The following PAM variants were observed in gnomAD, a reference collection of about 807,000 sequenced individuals.
The protein encoded by PAM is peptidyl-glycine alpha-amidating monooxygenase.
PAM carries 72 observed loss-of-function variants against 122.1 expected under a neutral mutation model. The ratio of observed to expected loss-of-function variants is 0.59; its 90% CI spans 0.49 to 0.72. PAM has a LOEUF of 0.72. PAM is among the 30% of genes least tolerant of loss of function. The pLI is 0.00. For missense variants in PAM, 1,106 were observed against 1,183.7 expected, an observed-to-expected ratio of 0.93 and a Z score of 0.96; for synonymous variants, 389 against 404.4, an observed-to-expected ratio of 0.96 and a Z score of 0.46.
At chr5:102,850,818 C>A (rs946896516) in intron 1 of PAM, among the ~76,000 whole-genome samples, 12 of 152,182 alleles carry the variant, frequency 7.9e-5, no homozygotes, top group African/African-American at 2.9e-4. Flanking sequence ...CTGCAAAAAA[C>A]CAGATATCTG....
chr5:102,817,727 C>A (rs1172992380), intron 1 of PAM, among the ~76,000 whole-genome samples: 2 of 84,122 alleles, frequency 2.4e-5, no homozygotes, highest in African/African-American at 8.1e-5. Context: ...TCTTCCAAAA[C>A]ATGTTATCAG....
chr5:102,992,376 C>T (rs1774364285), intron 16 of PAM, among the ~76,000 whole-genome samples: 1 of 152,018 alleles, frequency 6.6e-6, no homozygotes, highest in Non-Finnish European at 1.5e-5. Context: ...CTTCTCCCTT[C>T]CTGGTATTGC....
chr5:102,780,258 G>A (rs529600450), intron 1 of PAM, among the ~76,000 whole-genome samples: 22 of 151,982 alleles, frequency 1.4e-4, no homozygotes, highest in Non-Finnish European at 1.8e-4. Context: ...GGGAGTGTTG[G>A]AAGATATGCC....
chr5:102,814,673 G>A (rs890854533), intron 1 of PAM, among the ~76,000 whole-genome samples: 1 of 150,380 alleles, frequency 6.6e-6, no homozygotes, highest in African/African-American at 2.5e-5. Context: ...TATTTTCATG[G>A]TAATTTTTGC....
At chr5:103,021,435 GA>G (rs1411817714) in intron 23 of PAM, among the ~76,000 whole-genome samples, 1 of 152,158 alleles carries the variant, frequency 6.6e-6, no homozygotes, top group South Asian at 2.1e-4. Context: ...TTGGCCTGGT[GA>G]AAACAGCTTA....
chr5:102,841,431 A>ACACACACACACG lies in PAM; in HGVS notation c.-373-24381_-373-24380insGCACACACACAC, dbSNP rs1554082084. ...TACACACACACACACACACACACACACACACACACACACAAAGTAGTTATC... is the reference window on the plus strand; with the variant it reads ...TACACACACACACACACACACACACACACACACACACGCACACACACACACAAAGTAGTTATC... On this transcript the variant is annotated intron_variant, in intron 1 of 25. Transcript: ENST00000438793. 2.5e-3 allele frequency among the ~76,000 whole-genome samples: 379 copies of ACACACACACACG among 151,988 alleles called. 4 individuals carry two copies. Among genetic ancestry groups the ACACACACACACG allele is most frequent in the African/African-American group, 8.5e-3 (353 of 41,460 alleles).
At chr5:102,770,852 G>A (rs1486385976) in intron 1 of PAM, among the ~76,000 whole-genome samples, 2 of 151,742 alleles carry the variant, frequency 1.3e-5, no homozygotes, top group African/African-American at 4.8e-5. Flanking sequence ...GGTAATATTG[G>A]CATCACAGAA....
chr5:102,910,817 A>C (rs1801180045), intron 4 of PAM, among the ~76,000 whole-genome samples: 1 of 151,816 alleles, frequency 6.6e-6, no homozygotes, highest in Non-Finnish European at 1.5e-5. Flanking sequence ...GAAAAAGAAA[A>C]GAGACATTTC....
At chr5:102,985,238 A>C (rs1421325499) in intron 15 of PAM, among the ~76,000 whole-genome samples, 4 of 152,028 alleles carry the variant, frequency 2.6e-5, no homozygotes, top group Non-Finnish European at 2.9e-5. Flanking sequence ...AACTAAATGA[A>C]ATAGAGACTA....
chr5:102,904,367 T>C (rs904440936), intron 4 of PAM, among the ~76,000 whole-genome samples: 8 of 151,632 alleles, frequency 5.3e-5, no homozygotes, highest in Non-Finnish European at 7.4e-5. Context: ...TGTGCCTCTT[T>C]AAATTTTTGT....
At chr5:102,906,795 G>A (rs1482074933) in intron 4 of PAM, among the ~76,000 whole-genome samples, 1 of 151,686 alleles carries the variant, frequency 6.6e-6, no homozygotes, top group Non-Finnish European at 1.5e-5. Flanking sequence ...GAAATGTAGT[G>A]AGCTAGAGGA....
At chr5:102,800,340 A>G (rs1451963799) in intron 1 of PAM, among the ~76,000 whole-genome samples, 2 of 152,176 alleles carry the variant, frequency 1.3e-5, no homozygotes, top group South Asian at 2.1e-4. Flanking sequence ...ACTCTGTGGT[A>G]TGGTTCTTCA....
chr5:102,807,483 CTG>C (rs570424540), intron 1 of PAM, among the ~76,000 whole-genome samples: 270 of 152,304 alleles, frequency 1.8e-3, no homozygotes, highest in African/African-American at 6.4e-3. Flanking sequence ...AACCAGAAAA[CTG>C]TGGCAGTAGT....
At position 102,842,613 on chromosome 5, in the gene PAM, T is replaced by C. The variant is rs1011066625; in HGVS notation, c.-373-23210T>C. ...TATGTCTTTAACACCAGCGTGAGAA[T>C]AGACTAACACAAATATGTACAAAAT... On this transcript the variant is annotated intron_variant, in intron 1 of 25. Transcript: ENST00000438793. Among the ~76,000 whole-genome samples, 7 of 152,320 alleles carry C rather than the reference T, an allele frequency of 4.6e-5. No homozygotes were observed. The South Asian group carries it at 1.0e-3, about 23-fold the overall frequency.
intron 1 of PAM, among the ~76,000 whole-genome samples, chr5:102,819,324 TTGG>T (rs1770937336): frequency 6.6e-6 from 1 of 152,128 alleles, no homozygotes; most frequent in African/African-American, 2.4e-5. Context: ...TACCATCGTT[TTGG>T]TGAAAATGAG....
intron 14 of PAM, among the ~76,000 whole-genome samples, chr5:102,963,162 T>G (rs1249620195): frequency 6.6e-6 from 1 of 151,862 alleles, no homozygotes; most frequent in Non-Finnish European, 1.5e-5. Flanking sequence ...TAGCATAGTC[T>G]GTGTATGATC....
intron 12 of PAM, among the ~76,000 whole-genome samples, chr5:102,954,929 A>T (rs188604167): frequency 6.6e-6 from 1 of 152,242 alleles, no homozygotes. Context: ...TAGCACTTTA[A>T]TCTGCATTTT....
chr5:102,943,161 T>C (rs1424550319), intron 7 of PAM, among the ~76,000 whole-genome samples: 4 of 152,140 alleles, frequency 2.6e-5, no homozygotes, highest in South Asian at 2.1e-4. Flanking sequence ...TGTCTTTTTA[T>C]TGAAGCAGGA....
chr5:102,940,913 T>C (rs1374552854), intron 7 of PAM, among the ~76,000 whole-genome samples: 2 of 152,182 alleles, frequency 1.3e-5, no homozygotes, highest in African/African-American at 4.8e-5. Flanking sequence ...CAGAGTTCAA[T>C]AAAGAGTTCT....
Sources: allele counts gnomAD v4.1 joint callset (sites outside exome capture counted in the v4.1 genomes callset), GRCh38; gene constraint gnomAD v4.1.1; transcripts MANE v1.5; gene names NCBI Gene and HGNC (gene_info 2026-07-23, HGNC 2026-07-21).